AKR7A2: variants seen among roughly 807,000 people sequenced by gnomAD.
AKR7A2 encodes aflatoxin B1 aldehyde reductase member 2.
Under a neutral mutation model 37.3 loss-of-function variants are expected in AKR7A2, and 29 were observed. The ratio of observed to expected loss-of-function variants is 0.78; its 90% confidence interval spans 0.58 to 1.06. The LOEUF is 1.06. Among genes scored for constraint, AKR7A2 ranks in the 50% least tolerant of loss-of-function variants. AKR7A2 has a pLI of 0.00. For synonymous variants in AKR7A2, 228 were observed against 217.8 expected (o/e 1.05, Z -0.41); for missense variants, 529 against 497.9 (o/e 1.06, Z -0.59).
At position 19,307,016 on chromosome 1, in the gene AKR7A2, C is replaced by A. The variant is rs547866923; in HGVS notation, c.774G>T (p.Glu258Asp). The change falls in exon 5 of 7, where the codon GAG becomes GAT. Residue 258 changes from glutamate to aspartate, a missense_variant. Transcript: ENST00000235835. ...CCCCGGCTCACCGATTCCTGTAGGT[C>A]TCAGCCCAGCTATTCCCAAAGAAGC... is the stretch of plus-strand genomic sequence containing the variant. ...VGRFFGNSWA[E>D]TYRNRFWKEH... The A allele has an allele frequency of 6.2e-7, 1 of 1,614,192 alleles. No individual in the cohort carries two copies. Among genetic ancestry groups the A allele is most frequent in the Admixed American group, 1.7e-5 (1 of 60,032 alleles).
At position 19,306,159 on chromosome 1, in the gene AKR7A2, G is replaced by A; in HGVS notation, c.789-12C>T. The A allele has an allele frequency of 1.2e-6, 2 of 1,614,178 alleles. No individual in the cohort carries two copies. Among genetic ancestry groups the A allele is most frequent in the Non-Finnish European group, 8.5e-7 (1 of 1,180,024 alleles). On this transcript the variant is annotated splice_polypyrimidine_tract_variant and intron_variant, in intron 5 of 6. Transcript: ENST00000235835. Reference sequence around the variant, plus strand: ...GCTCCTTCCAGAAGCTGTGCAGAGGGGATGTTAGCACAGGGGTCAGTACCA... The same window carrying A: ...GCTCCTTCCAGAAGCTGTGCAGAGGAGATGTTAGCACAGGGGTCAGTACCA...
chr1:19,306,117 A>T lies in AKR7A2; in HGVS notation c.819T>A (p.Ile273=). Residue 273 remains isoleucine (I), a synonymous_variant, in exon 6 of 7, where the codon ATT becomes ATA. Coordinates refer to ENST00000235835, the MANE Select transcript of AKR7A2 (RefSeq NM_003689.4). ...CCTGCAGGGCCTTCTCCACCAACGC[A>T]ATGGCCTCGAAGTGGTGCTCCTTCC... ...RFWKEHHFEA[I]ALVEKALQAA... The T allele has an allele frequency of 6.2e-7, 1 of 1,614,182 alleles. No homozygotes were observed. Among genetic ancestry groups the T allele is most frequent in the African/African-American group, 1.3e-5 (1 of 75,060 alleles).
At chr1:19,312,144 TGGGAGCCGGGGGCCCCGCCCATGCC>T, upstream of AKR7A2, 1 of 1,211,610 alleles carries the variant, frequency 8.3e-7, no homozygotes, top group Non-Finnish European at 1.0e-6. Context: ...GCCTGCGCGT[TGGGAGCCGGGGGCCCCGCCCATGCC>T]GGGGAGGAGC....
chr1:19,306,779 G>C (rs2093762289), intron 5 of AKR7A2, among the ~76,000 whole-genome samples: 1 of 152,072 alleles, frequency 6.6e-6, no homozygotes, highest in African/African-American at 2.4e-5. Flanking sequence ...GCTCAGGAAC[G>C]AGCTATGACT....
chr1:19,312,114 G>C lies in AKR7A2; in HGVS notation c.11C>G (p.Ala4Gly), dbSNP rs982673539. 9.8e-6 allele frequency: 13 copies of C among 1,322,562 alleles called. No homozygotes were observed. The highest frequency in any genetic ancestry group is 1.5e-5 in the African/African-American group (1 of 64,520). The allele number at this position is 1,322,562 out of a possible 1,614,324, so 81.9% of individuals were successfully genotyped here. A position where few individuals can be genotyped will look rare whatever the true frequency, so the allele number is the denominator to read the frequency against. ...GGCGCGGGAGACTACGCGAGACGCG[G>C]CACTCAGCATAGCAGCGGCGCCTGC... The part of the protein sequence containing the change: MLS[A>G]ASRVVSRAAV... The change falls in exon 1 of 7, where the codon GCC (alanine) becomes GGC (glycine). Residue 4 changes from alanine (A) to glycine (G), a missense_variant. Ala to Gly is a moderately conservative substitution (Grantham distance 60). Transcript: ENST00000235835.
At position 19,307,158 on chromosome 1, in the gene AKR7A2, C is replaced by A. The variant is rs574904978; in HGVS notation, c.689-57G>T. Reference sequence around the variant, plus strand: ...CAGAGTGCCCCAGAAGCTGCCACATCCCTCAGGGCTCTGGTCTAGGGGAGG... The same window carrying A: ...CAGAGTGCCCCAGAAGCTGCCACATACCTCAGGGCTCTGGTCTAGGGGAGG... On this transcript the variant is annotated intron_variant, in intron 4 of 6. Coordinates refer to ENST00000235835, the MANE Select transcript of AKR7A2 (RefSeq NM_003689.4). 3.4e-4 allele frequency: 546 copies of A among 1,603,550 alleles called. No individual in the cohort carries two copies. The highest frequency in any genetic ancestry group is 2.4e-3 in the African/African-American group (180 of 74,840).
At chr1:19,310,201 T>C (rs954687165) in intron 1 of AKR7A2, among the ~76,000 whole-genome samples, 1 of 152,188 alleles carries the variant, frequency 6.6e-6, no homozygotes, top group Non-Finnish European at 1.5e-5. Context: ...CGAGATCAGT[T>C]GGGATATGGG....
intron 6 of AKR7A2, chr1:19,305,128 A>T (rs941024090): frequency 6.4e-6 from 1 of 157,098 alleles, no homozygotes; most frequent in Non-Finnish European, 1.4e-5. Flanking sequence ...CAGGGGCCAT[A>T]CTAATCTTCT....
Position 19,306,105 on chromosome 1 carries a change from C to G in AKR7A2, c.831G>C (p.Glu277Asp). ...CGCCATATGCGGCCTGCAGGGCCTTCTCCACCAACGCAATGGCCTCGAAGT... is the reference window on the plus strand; with the variant it reads ...CGCCATATGCGGCCTGCAGGGCCTTGTCCACCAACGCAATGGCCTCGAAGT... Reference protein sequence around the residue: ...EHHFEAIALVEKALQAAYGAS... With the variant: ...EHHFEAIALVDKALQAAYGAS... The change falls in exon 6 of 7, where the codon GAG (glutamate) becomes GAC (aspartate). Residue 277 changes from glutamate to aspartate, a missense_variant. By Grantham distance (45) the Glu-to-Asp change is conservative. Coordinates refer to ENST00000235835, the MANE Select transcript of AKR7A2 (RefSeq NM_003689.4). The G allele has an allele frequency of 1.2e-6, 2 of 1,614,214 alleles. No individual in the cohort carries two copies. The highest frequency in any genetic ancestry group is 1.3e-5 in the African/African-American group (1 of 75,072).
At chr1:19,307,252 T>A in intron 4 of AKR7A2, 62 bp downstream of exon 4, 1 of 1,609,334 alleles carries the variant, frequency 6.2e-7, no homozygotes, top group Non-Finnish European at 8.5e-7. Context: ...CTTCATAAAT[T>A]CTGGGCTGGG....
intron 3 of AKR7A2, 35 bp from the exon 4 acceptor site, chr1:19,307,445 A>G (rs1304573194): frequency 7.5e-6 from 12 of 1,610,734 alleles, no homozygotes; most frequent in Non-Finnish European, 1.0e-5. Flanking sequence ...CAGGGTGGAC[A>G]TGTCAAGAGA....
At position 19,307,079 on chromosome 1, in the gene AKR7A2, G is replaced by T. The variant is rs2093762924; in HGVS notation, c.711C>A (p.Tyr237Ter). 6.2e-7 allele frequency: 1 copy of T among 1,614,098 alleles called. No individual in the cohort carries two copies. Among genetic ancestry groups the T allele is most frequent in the African/African-American group, 1.3e-5 (1 of 74,988 alleles). ...PLAGGLLTGKYKYEDKDGKQP... is the reference protein window; with the variant it reads ...PLAGGLLTGK ...GTTTCCCGTCCTTGTCCTCATACTT[G>T]TACTTGCCAGTCAGCAGGCCCCCTG... is the stretch of plus-strand genomic sequence containing the variant. The change falls in exon 5 of 7, where the codon TAC becomes TAA. Residue 237 changes from tyrosine (Y) to a stop codon, truncating the protein, a stop_gained. Coordinates refer to ENST00000235835, the MANE Select transcript of AKR7A2 (RefSeq NM_003689.4). LOFTEE classifies it high-confidence loss of function.
At chr1:19,307,178 G>C in intron 4 of AKR7A2, 77 bp from the exon 5 acceptor site, 2 of 1,592,390 alleles carry the variant, frequency 1.3e-6, no homozygotes, top group South Asian at 2.2e-5. Context: ...TCTGGTCTAG[G>C]GGAGGGGCAG....
chr1:19,310,655 G>C (rs1485395639), intron 1 of AKR7A2, among the ~76,000 whole-genome samples: 1 of 152,190 alleles, frequency 6.6e-6, no homozygotes, highest in East Asian at 1.9e-4. Context: ...CTGGGTGACA[G>C]AGCAAGATTC....
chr1:19,307,221 C>T, intron 4 of AKR7A2, 93 bp downstream of exon 4: 1 of 1,599,424 alleles, frequency 6.3e-7, no homozygotes, highest in Non-Finnish European at 8.6e-7. Flanking sequence ...CACAGCCCAG[C>T]CTCTTGTCAA....
intron 1 of AKR7A2, among the ~76,000 whole-genome samples, chr1:19,309,685 G>A (rs2093768747): frequency 6.6e-6 from 1 of 152,060 alleles, no homozygotes. Context: ...AGTACTTTGG[G>A]AGGCTGAGTA....
At chr1:19,308,100 A>G in intron 3 of AKR7A2, 58 bp downstream of exon 3, 9 of 1,606,180 alleles carry the variant, frequency 5.6e-6, no homozygotes, top group Non-Finnish European at 7.7e-6. Context: ...GGGGGCAAAG[A>G]GAGCCCAGGA....
intron 6 of AKR7A2, 84 bp from the exon 7 acceptor site, chr1:19,304,470 G>A: frequency 6.2e-7 from 1 of 1,608,090 alleles, no homozygotes; most frequent in Non-Finnish European, 8.5e-7. Flanking sequence ...TCCCTGCTGA[G>A]ATCTGGGGTC....
chr1:19,306,205 G>C, intron 5 of AKR7A2, 58 bp from the exon 6 acceptor site: 2 of 1,611,794 alleles, frequency 1.2e-6, no homozygotes, highest in Non-Finnish European at 1.7e-6. Flanking sequence ...ACTGGGAGCC[G>C]CAACCAAATA....
Sources: gnomAD v4.1 joint callset for allele counts (sites outside exome capture counted in the v4.1 genomes callset) on GRCh38, gnomAD v4.1.1 for gene constraint, MANE v1.5 for transcripts, NCBI Gene and HGNC (gene_info 2026-07-23, HGNC 2026-07-21) for gene names.